SIMC1: variants seen among roughly 807,000 people sequenced by gnomAD.
The protein encoded by SIMC1 is SUMO interacting motifs containing 1, also known as SUMO-interacting motif-containing protein 1.
In SIMC1, 55 loss-of-function variants were observed where a neutral mutation model predicts 82.3. That is an observed-to-expected ratio of 0.67 (90% CI 0.54 to 0.84). The LOEUF is 0.84. SIMC1 is among the 40% of genes least tolerant of loss of function. The probability of loss-of-function intolerance (pLI) is 0.00; values close to 1 mark genes in which losing one functional copy is unlikely to be tolerated. For missense variants in SIMC1, 915 were observed against 1,107.2 expected, an observed-to-expected ratio of 0.83 and a Z score of 2.46; for synonymous variants, 353 against 426.3, an observed-to-expected ratio of 0.83 and a Z score of 2.12.
intron 4 of SIMC1, chr5:176,308,177 A>T: frequency 1.6e-6 from 2 of 1,248,646 alleles, no homozygotes; most frequent in Non-Finnish European, 2.3e-6. Flanking sequence ...GGGGCTGTGG[A>T]TAGGGGAGTT....
intron 1 of SIMC1, among the ~76,000 whole-genome samples, chr5:176,263,076 C>T (rs200753894): frequency 6.1e-4 from 93 of 152,004 alleles, no homozygotes; most frequent in African/African-American, 2.0e-3. Flanking sequence ...AACAAATAGG[C>T]GTAAATATAA....
chr5:176,263,726 C>T (rs1003723046), intron 1 of SIMC1, among the ~76,000 whole-genome samples: 1 of 152,124 alleles, frequency 6.6e-6, no homozygotes, highest in African/African-American at 2.4e-5. Flanking sequence ...CCCTGGCCCC[C>T]CAAATGTCAT....
chr5:176,259,227 G>C (rs1761939595), intron 1 of SIMC1, among the ~76,000 whole-genome samples: 1 of 152,198 alleles, frequency 6.6e-6, no homozygotes, highest in African/African-American at 2.4e-5. Flanking sequence ...AGCACTTTGG[G>C]AGGCTGAGGT....
At chr5:176,296,083 A>T (rs1763801761) in intron 3 of SIMC1, 168 bp from the exon 4 acceptor site, 1 of 1,256,418 alleles carries the variant, frequency 8.0e-7, no homozygotes, top group Admixed American at 2.7e-5. Flanking sequence ...GCAAAAAACA[A>T]TGAAGTTCCA....
At chr5:176,262,279 TAAAAAAA>T (rs58312244) in intron 1 of SIMC1, among the ~76,000 whole-genome samples, 1 of 133,908 alleles carries the variant, frequency 7.5e-6, no homozygotes. Flanking sequence ...ATTCATGATT[TAAAAAAA>T]AAAAAAAAAA....
At chr5:176,279,236 G>T (rs13160711) in intron 1 of SIMC1, among the ~76,000 whole-genome samples, 40 of 151,622 alleles carry the variant, frequency 2.6e-4, no homozygotes, top group African/African-American at 8.7e-4. Context: ...GTTTATTTGC[G>T]TAGAGGTGTT....
intron 1 of SIMC1, among the ~76,000 whole-genome samples, chr5:176,241,639 G>A (rs1460009605): frequency 6.6e-6 from 1 of 151,922 alleles, no homozygotes; most frequent in African/African-American, 2.4e-5. Context: ...TGTAACATTT[G>A]ACTCCTCGAA....
At chr5:176,302,399 AAAAG>A (rs1178916306) in intron 4 of SIMC1, among the ~76,000 whole-genome samples, 1 of 152,224 alleles carries the variant, frequency 6.6e-6, no homozygotes, top group Non-Finnish European at 1.5e-5. Flanking sequence ...AACTAGAAAT[AAAAG>A]AAAACTACCT....
intron 1 of SIMC1, among the ~76,000 whole-genome samples, chr5:176,259,495 G>A (rs1011857959): frequency 2.9e-4 from 44 of 152,140 alleles, no homozygotes; most frequent in Non-Finnish European, 4.4e-4. Flanking sequence ...TAAGTAGGCC[G>A]GGTGTGGTGG....
chr5:176,336,462 A>G (rs927028636), intron 7 of SIMC1, among the ~76,000 whole-genome samples: 18 of 152,196 alleles, frequency 1.2e-4, no homozygotes. Flanking sequence ...CATAGTGACA[A>G]TGTGTAGTAA....
At chr5:176,273,531 T>C (rs1762540580) in intron 1 of SIMC1, among the ~76,000 whole-genome samples, 1 of 152,152 alleles carries the variant, frequency 6.6e-6, no homozygotes, top group Non-Finnish European at 1.5e-5. Flanking sequence ...TACTTTAAGT[T>C]TTAGGGTACA....
At chr5:176,314,701 G>A (rs890025990) in intron 5 of SIMC1, among the ~76,000 whole-genome samples, 6 of 152,036 alleles carry the variant, frequency 3.9e-5, no homozygotes, top group Admixed American at 3.9e-4. Flanking sequence ...TGATCTTTAG[G>A]GTAGGGGATT....
chr5:176,342,400 C>T (rs1007659242), intron 9 of SIMC1, among the ~76,000 whole-genome samples: 2 of 152,068 alleles, frequency 1.3e-5, no homozygotes, highest in African/African-American at 4.8e-5. Context: ...TTTTAAGTTT[C>T]TCGATTTATA....
At chr5:176,252,218 C>T (rs1439845443) in intron 1 of SIMC1, among the ~76,000 whole-genome samples, 1 of 26,056 alleles carries the variant, frequency 3.8e-5, no homozygotes, top group African/African-American at 1.4e-4. Flanking sequence ...GGGCTGACCG[C>T]CCCCCCCACC....
At position 176,241,008 on chromosome 5, in the gene SIMC1, T is replaced by A. The variant is rs1239931836; in HGVS notation, c.129+2371T>A. On this transcript the variant is annotated intron_variant, in intron 1 of 9. Coordinates refer to ENST00000429602, the MANE Select transcript of SIMC1 (RefSeq NM_001308195.2). ...CTTTTACATCTTTTTTTTTTTTTTT[T>A]AATAGATATTGACTAAGGGGAAGTA... is the stretch of plus-strand genomic sequence containing the variant. Among the ~76,000 whole-genome samples, 7 of 86,214 alleles carry A rather than the reference T, an allele frequency of 8.1e-5. 3 individuals carry two copies. The highest frequency in any genetic ancestry group is 2.2e-4 in the African/African-American group (5 of 22,504). 56.6% of individuals were successfully genotyped at this position (86,214 alleles called of 152,430 possible).
chr5:176,277,518 T>G (rs1762767198), intron 1 of SIMC1, among the ~76,000 whole-genome samples: 1 of 152,154 alleles, frequency 6.6e-6, no homozygotes, highest in Non-Finnish European at 1.5e-5. Context: ...CGTGAAGTCC[T>G]TGCCCATGCC....
chr5:176,283,553 G>C (rs1229009522), intron 1 of SIMC1, among the ~76,000 whole-genome samples: 8 of 152,288 alleles, frequency 5.3e-5, no homozygotes, highest in African/African-American at 1.9e-4. Flanking sequence ...AGAACCGTTA[G>C]CAGCCACTGC....
chr5:176,339,290 G>T (rs1766031140), intron 9 of SIMC1, among the ~76,000 whole-genome samples: 1 of 152,146 alleles, frequency 6.6e-6, no homozygotes, highest in Non-Finnish European at 1.5e-5. Flanking sequence ...TTTGAACCCG[G>T]GAGGTGGAGG....
intron 1 of SIMC1, among the ~76,000 whole-genome samples, chr5:176,288,569 C>G (rs1340419996): frequency 6.6e-6 from 1 of 152,162 alleles, no homozygotes; most frequent in East Asian, 1.9e-4. Flanking sequence ...CATTGAGAGC[C>G]AAGCCACCAA....
Sources: allele counts gnomAD v4.1 joint callset (sites outside exome capture counted in the v4.1 genomes callset), GRCh38; gene constraint gnomAD v4.1.1; transcripts MANE v1.5; gene names NCBI Gene and HGNC (gene_info 2026-07-23, HGNC 2026-07-21).